Variants in COPS2 observed in about 807,000 individuals in gnomAD.
COPS2 encodes COP9 signalosome complex subunit 2.
Under a neutral mutation model 66.1 loss-of-function variants are expected in COPS2, and 10 were observed. That is an observed-to-expected ratio of 0.15 (90% CI 0.09 to 0.26). COPS2 has a LOEUF of 0.26. Among genes scored for constraint, COPS2 ranks in the 10% least tolerant of loss-of-function variants. The probability of loss-of-function intolerance (pLI) is 1.00; values close to 1 mark genes in which losing one functional copy is unlikely to be tolerated. For synonymous variants in COPS2, 179 were observed against 171.3 expected (o/e 1.04, Z -0.35); for missense variants, 215 against 513.3 (o/e 0.42, Z 5.62).
intron 2 of COPS2, among the ~76,000 whole-genome samples, chr15:49,144,635 G>GAAATAATT (rs1265415646): frequency 2.0e-5 from 3 of 152,068 alleles, no homozygotes; most frequent in Non-Finnish European, 4.4e-5. Context: ...AAGAAATCAA[G>GAAATAATT]CTATTCATAA....
intron 6 of COPS2, among the ~76,000 whole-genome samples, chr15:49,135,599 C>A (rs551920244): frequency 6.6e-6 from 1 of 152,048 alleles, no homozygotes; most frequent in African/African-American, 2.4e-5. Context: ...TAAAGTTGAC[C>A]AACAGCCCAT....
rs914133418 is a variant in COPS2, at chr15:49,152,285, T to A, written c.54+3240A>T. ...ACCTGCTTCATTAATCTTTTTTTTT[T>A]AAATATATGATTTAAGGAAATGAAA... On this transcript the variant is annotated intron_variant, in intron 1 of 12. Coordinates refer to ENST00000388901, the MANE Select transcript of COPS2 (RefSeq NM_004236.4). 7.9e-5 allele frequency among the ~76,000 whole-genome samples: 12 copies of A among 151,932 alleles called. No homozygotes were observed. In the South Asian group the frequency reaches 8.3e-4, roughly 11 times the overall value.
intron 11 of COPS2, among the ~76,000 whole-genome samples, 168 bp downstream of exon 11, chr15:49,129,306 TAAA>T (rs200431169): frequency 7.0e-5 from 10 of 143,470 alleles, no homozygotes; most frequent in Admixed American, 5.6e-4. Flanking sequence ...CCCTGTCTCT[TAAA>T]AAAAAAAAAA....
At chr15:49,137,482 G>A (rs1052160706) in intron 4 of COPS2, 45 bp from the exon 5 acceptor site, 4 of 1,365,468 alleles carry the variant, frequency 2.9e-6, no homozygotes, top group Non-Finnish European at 4.2e-6. Flanking sequence ...CAGCAAATTT[G>A]TACCTGTTAA....
chr15:49,133,402 C>A (rs1595820481), intron 9 of COPS2, among the ~76,000 whole-genome samples: 1 of 152,172 alleles, frequency 6.6e-6, no homozygotes, highest in Admixed American at 6.5e-5. Flanking sequence ...TCATCTTGGA[C>A]TAGTTCGTAA....
At chr15:49,141,433 T>C (rs2084289135) in intron 3 of COPS2, among the ~76,000 whole-genome samples, 1 of 152,002 alleles carries the variant, frequency 6.6e-6, no homozygotes, top group African/African-American at 2.4e-5. Flanking sequence ...GAGGCAGAGG[T>C]TGCAGTGATG....
In COPS2 at chr15:49,137,542, A is replaced by G. The variant is rs893575046; in HGVS notation, c.373-105T>C. The G allele has an allele frequency of 2.9e-5, 23 of 800,050 alleles. No individual in the cohort carries two copies. The Admixed American group carries it at 3.5e-4, about 12-fold the overall frequency. The allele number at this position is 800,050 out of a possible 1,614,324, so 49.6% of individuals were successfully genotyped here. ...AGTGCATCTTTGAACTTTAATACAC[A>G]TAAGATACACTATCTGTATCTTACT... On this transcript the variant is annotated intron_variant, in intron 4 of 12. Coordinates refer to ENST00000388901, the MANE Select transcript of COPS2 (RefSeq NM_004236.4).
chr15:49,150,086 G>A (rs916241441), intron 1 of COPS2, among the ~76,000 whole-genome samples: 14 of 151,498 alleles, frequency 9.2e-5, no homozygotes, highest in Non-Finnish European at 1.9e-4. Context: ...CCAGGAGTTC[G>A]AGACCAGCCT....
intron 9 of COPS2, among the ~76,000 whole-genome samples, chr15:49,132,683 A>T (rs979104388): frequency 6.6e-6 from 1 of 151,848 alleles, no homozygotes; most frequent in Non-Finnish European, 1.5e-5. Flanking sequence ...AAATTTAGTA[A>T]ATTTCTTATA....
intron 1 of COPS2, among the ~76,000 whole-genome samples, chr15:49,151,537 G>A (rs2084361591): frequency 6.6e-6 from 1 of 152,034 alleles, no homozygotes; most frequent in East Asian, 1.9e-4. Flanking sequence ...ACGGTAGAAC[G>A]ATTGGACTGC....
Position 49,124,548 on chromosome 15 carries a change from G to A in COPS2, c.*3402C>T, listed in dbSNP as rs2084149967. 1 of 152,082 alleles carries A rather than the reference G, an allele frequency of 6.6e-6. No individual in the cohort carries two copies. Among genetic ancestry groups the A allele is most frequent in the Admixed American group, 6.6e-5 (1 of 15,262 alleles). 9.4% of individuals were successfully genotyped at this position (152,082 alleles called of 1,614,324 possible). A position where few individuals can be genotyped will look rare whatever the true frequency, so the allele number is the denominator to read the frequency against. On this transcript the variant is annotated 3_prime_UTR_variant, in exon 13 of 13. Coordinates refer to ENST00000388901, the MANE Select transcript of COPS2 (RefSeq NM_004236.4). ...CATAAATGAAGACCAAATGCCTTTT[G>A]CGTCACATTCTGAAACCTGATACTC...
chr15:49,150,952 C>T (rs1432197377), intron 1 of COPS2, among the ~76,000 whole-genome samples: 1 of 151,950 alleles, frequency 6.6e-6, no homozygotes, highest in African/African-American at 2.4e-5. Flanking sequence ...ACAAGAAGAA[C>T]AATACTAGTA....
intron 9 of COPS2, among the ~76,000 whole-genome samples, chr15:49,133,540 CAT>C (rs1595820508): frequency 8.5e-6 from 1 of 117,188 alleles, no homozygotes; most frequent in South Asian, 3.0e-4. Flanking sequence ...GACACACACA[CAT>C]GGATAATAGG....
In COPS2 at chr15:49,122,750, A is replaced by G. The variant is rs1199078724; in HGVS notation, c.*5200T>C. ...AGTAGATTACGTATTTTTTATTACC[A>G]ATAAGGAATGTGCACTTCCAGATAA... is the stretch of plus-strand genomic sequence containing the variant. On this transcript the variant is annotated 3_prime_UTR_variant, in exon 13 of 13. Transcript: ENST00000388901. 6.6e-6 allele frequency: 1 copy of G among 152,208 alleles called. No homozygotes were observed. The highest frequency in any genetic ancestry group is 1.5e-5 in the Non-Finnish European group (1 of 68,032). 9.4% of individuals were successfully genotyped at this position (152,208 alleles called of 1,614,324 possible).
intron 3 of COPS2, among the ~76,000 whole-genome samples, chr15:49,139,974 C>G (rs1256343226): frequency 6.6e-6 from 1 of 151,992 alleles, no homozygotes; most frequent in Non-Finnish European, 1.5e-5. Flanking sequence ...CCAAAACATA[C>G]AAATAAAATC....
chr15:49,145,206 A>C (rs1595824931), intron 1 of COPS2, 128 bp from the exon 2 acceptor site: 1 of 494,798 alleles, frequency 2.0e-6, no homozygotes, highest in East Asian at 3.3e-5. Flanking sequence ...CCTTGAATAC[A>C]TACGTAAAAT....
At chr15:49,141,348 T>C (rs114353200) in intron 3 of COPS2, among the ~76,000 whole-genome samples, 2,608 of 151,962 alleles carry the variant, frequency 0.017, 95 homozygotes, top group African/African-American at 0.06. Flanking sequence ...AACACAAAAA[T>C]TAGTCAGGTG....
intron 4 of COPS2, 56 bp from the exon 5 acceptor site, chr15:49,137,493 TAA>T (rs2084261794): frequency 8.0e-7 from 1 of 1,256,214 alleles, no homozygotes; most frequent in African/African-American, 1.5e-5. Context: ...TACCTGTTAA[TAA>T]AGTTAATTTG....
chr15:49,143,454 A>C (rs942267780), intron 3 of COPS2, among the ~76,000 whole-genome samples: 1 of 152,182 alleles, frequency 6.6e-6, no homozygotes, highest in African/African-American at 2.4e-5. Context: ...CCAGGTAAGA[A>C]ATCATGGTGC....
Sources: allele counts gnomAD v4.1 joint callset (sites outside exome capture counted in the v4.1 genomes callset), GRCh38; gene constraint gnomAD v4.1.1; transcripts MANE v1.5; gene names NCBI Gene and HGNC (gene_info 2026-07-23, HGNC 2026-07-21).